Variants in PTPRG observed in about 807,000 individuals in gnomAD.
PTPRG encodes receptor-type tyrosine-protein phosphatase gamma.
PTPRG carries 102 observed loss-of-function variants against 165.3 expected under a neutral mutation model. The observed-to-expected ratio is 0.62, with a 90% CI of 0.53 to 0.73. The LOEUF (loss-of-function observed/expected upper bound fraction) is 0.73, where lower values mean the gene tolerates loss of function less well. PTPRG is among the 30% of genes least tolerant of loss of function. The probability of loss-of-function intolerance (pLI) is 0.00; values close to 1 mark genes in which losing one functional copy is unlikely to be tolerated. For synonymous variants in PTPRG, 675 were observed against 669.5 expected, an observed-to-expected ratio of 1.01 and a Z score of -0.13; for missense variants, 1,866 against 1,861.4, an observed-to-expected ratio of 1.00 and a Z score of -0.05.
At chr3:61,633,422 A>G (rs566747638) in intron 1 of PTPRG, among the ~76,000 whole-genome samples, 1 of 152,366 alleles carries the variant, frequency 6.6e-6, no homozygotes, top group East Asian at 1.9e-4. Context: ...CAGCTTATGG[A>G]TTGGAAATTT....
chr3:61,858,763 T>A (rs1037471274), intron 2 of PTPRG, among the ~76,000 whole-genome samples: 4 of 152,200 alleles, frequency 2.6e-5, no homozygotes, highest in African/African-American at 7.2e-5. Flanking sequence ...TTTTAAAAAC[T>A]CTTAAACTTT....
intron 2 of PTPRG, among the ~76,000 whole-genome samples, chr3:61,799,099 A>G (rs1460013228): frequency 3.3e-5 from 5 of 152,122 alleles, no homozygotes; most frequent in African/African-American, 1.2e-4. Context: ...ATGAAATACT[A>G]TTATGATAAT....
At chr3:62,182,700 G>A (rs541156467) in intron 8 of PTPRG, among the ~76,000 whole-genome samples, 15 of 152,164 alleles carry the variant, frequency 9.9e-5, no homozygotes, top group Admixed American at 4.6e-4. Context: ...TCGCTCTGTC[G>A]CCAGGCTGGA....
chr3:62,136,758 G>A (rs183992041), intron 6 of PTPRG, among the ~76,000 whole-genome samples: 64 of 152,232 alleles, frequency 4.2e-4, no homozygotes, highest in African/African-American at 1.2e-3. Flanking sequence ...CTTGTCTGCC[G>A]CCATGTGAGA....
At chr3:62,191,372 T>A in intron 8 of PTPRG, 97 bp from the exon 9 acceptor site, 1 of 1,130,364 alleles carries the variant, frequency 8.8e-7, no homozygotes. Context: ...CTTCCTGTAT[T>A]ACTCTTTCAA....
chr3:61,748,222 A>G (rs2033288843), intron 1 of PTPRG, among the ~76,000 whole-genome samples: 1 of 152,176 alleles, frequency 6.6e-6, no homozygotes, highest in African/African-American at 2.4e-5. Flanking sequence ...GACTGGTACT[A>G]ATCACAAGGA....
chr3:62,267,059 T>C (rs1302901668), intron 17 of PTPRG, among the ~76,000 whole-genome samples: 10 of 151,910 alleles, frequency 6.6e-5, no homozygotes, highest in Non-Finnish European at 5.9e-5. Context: ...CAGTCACCCT[T>C]TTATATTTGT....
intron 2 of PTPRG, among the ~76,000 whole-genome samples, chr3:61,930,106 A>G (rs925573928): frequency 6.6e-5 from 10 of 151,836 alleles, no homozygotes; most frequent in East Asian, 1.9e-4. Flanking sequence ...CTGGTTGACA[A>G]TTGCCAGTAT....
intron 12 of PTPRG, among the ~76,000 whole-genome samples, chr3:62,206,386 C>T (rs573118184): frequency 3.3e-5 from 5 of 152,100 alleles, no homozygotes; most frequent in Admixed American, 1.3e-4. Context: ...TGGCTCTGTC[C>T]CTTATTCACT....
intron 2 of PTPRG, among the ~76,000 whole-genome samples, chr3:61,961,644 T>C (rs112938532): frequency 0.014 from 2,183 of 152,284 alleles, 23 homozygotes; most frequent in Non-Finnish European, 0.021. Flanking sequence ...CCAGCCATGC[T>C]TGAAAAATCT....
intron 13 of PTPRG, among the ~76,000 whole-genome samples, chr3:62,230,003 A>G (rs1219859779): frequency 6.6e-6 from 1 of 152,196 alleles, no homozygotes; most frequent in African/African-American, 2.4e-5. Flanking sequence ...CACACTCATG[A>G]TTTCTTCAGA....
intron 2 of PTPRG, among the ~76,000 whole-genome samples, chr3:61,752,800 A>AAAAAT (rs1186771040): frequency 8.1e-6 from 1 of 123,248 alleles, no homozygotes; most frequent in Non-Finnish European, 1.7e-5. Flanking sequence ...AAAAAAAAAA[A>AAAAAT]AGAAAAAAAA....
chr3:61,972,912 G>A (rs768180636), intron 2 of PTPRG, among the ~76,000 whole-genome samples: 2 of 151,830 alleles, frequency 1.3e-5, no homozygotes, highest in Non-Finnish European at 2.9e-5. Context: ...TCCCACCACA[G>A]CCTCCTAAAG....
intron 2 of PTPRG, among the ~76,000 whole-genome samples, chr3:61,849,732 C>T (rs748228652): frequency 1.3e-5 from 2 of 152,036 alleles, no homozygotes; most frequent in Admixed American, 6.5e-5. Flanking sequence ...GGAGTAGCTA[C>T]AGCTACACAT....
chr3:62,074,153 C>A (rs1420872156), intron 4 of PTPRG, among the ~76,000 whole-genome samples: 1 of 149,624 alleles, frequency 6.7e-6, no homozygotes, highest in Non-Finnish European at 1.5e-5. Context: ...CCCATTTGCT[C>A]CCAGATGATT....
intron 1 of PTPRG, among the ~76,000 whole-genome samples, chr3:61,607,593 T>C (rs1055517513): frequency 3.3e-5 from 5 of 152,334 alleles, no homozygotes; most frequent in Admixed American, 2.6e-4. Context: ...AGGGAAGGTC[T>C]GAGCAAAGAT....
At chr3:61,772,780 G>T (rs1004793567) in intron 2 of PTPRG, among the ~76,000 whole-genome samples, 1 of 152,288 alleles carries the variant, frequency 6.6e-6, no homozygotes, top group South Asian at 2.1e-4. Context: ...CCAAAGCACT[G>T]CAGTATCTAT....
At chr3:61,682,275 C>G (rs1367770168) in intron 1 of PTPRG, among the ~76,000 whole-genome samples, 1 of 151,072 alleles carries the variant, frequency 6.6e-6, no homozygotes, top group East Asian at 1.9e-4. Context: ...TTTGATAATT[C>G]TACTATGATT....
At chr3:61,685,388 T>C (rs1703592258) in intron 1 of PTPRG, among the ~76,000 whole-genome samples, 1 of 152,180 alleles carries the variant, frequency 6.6e-6, no homozygotes, top group African/African-American at 2.4e-5. Context: ...CCAATAGGGA[T>C]CTGACTACCT....
Sources: allele counts gnomAD v4.1 joint callset (sites outside exome capture counted in the v4.1 genomes callset), GRCh38; gene constraint gnomAD v4.1.1; transcripts MANE v1.5; gene names NCBI Gene and HGNC (gene_info 2026-07-23, HGNC 2026-07-21).